The following ARHGAP20 variants were observed in gnomAD, a reference collection of about 807,000 sequenced individuals.
ARHGAP20 encodes Rho GTPase activating protein 20.
A neutral mutation model predicts 73.7 loss-of-function variants in ARHGAP20; 34 were observed. The observed-to-expected ratio is 0.46, with a 90% CI of 0.35 to 0.61. The LOEUF (loss-of-function observed/expected upper bound fraction) is 0.61. Ranked by LOEUF, ARHGAP20 falls within the 20% of genes least tolerant of loss-of-function variation. The probability of loss-of-function intolerance (pLI) is 0.00; values close to 1 mark genes in which losing one functional copy is unlikely to be tolerated. For missense variants in ARHGAP20, 1,314 were observed against 1,420.9 expected (o/e 0.92, Z 1.21); for synonymous variants, 523 against 518.2 (o/e 1.01, Z -0.13).
At position 110,580,260 on chromosome 11, in the gene ARHGAP20, G is replaced by GC; in HGVS notation, c.2685dup (p.Gln896AlafsTer5). 1 of 1,614,176 alleles carries GC rather than the reference G, an allele frequency of 6.2e-7. No individual in the cohort carries two copies. Among genetic ancestry groups the GC allele is most frequent in the Non-Finnish European group, 8.5e-7 (1 of 1,180,026 alleles). The stretch of plus-strand genomic sequence containing the variant: ...ACTAAACTCTGATTAATGAGCTTCT[G>GC]CCCCTCCATTTGCAAAGACTTATGC... On this transcript the variant is annotated frameshift_variant, in exon 15 of 15. Transcript: ENST00000683387. LOFTEE classifies it low-confidence loss of function (END_TRUNC).
intron 12 of ARHGAP20, among the ~76,000 whole-genome samples, chr11:110,584,418 GTTTT>G (rs765253941): frequency 2.8e-5 from 4 of 141,150 alleles, no homozygotes; most frequent in Non-Finnish European, 4.6e-5. Flanking sequence ...ATTCATGACT[GTTTT>G]TTTTTTTTTC....
At chr11:110,687,472 G>A (rs35054415) in intron 2 of ARHGAP20, among the ~76,000 whole-genome samples, 26,512 of 152,054 alleles carry the variant, frequency 0.17, 2,332 homozygotes, top group South Asian at 0.31. Flanking sequence ...GGGAGGCAGT[G>A]TGGGGAAGGG....
intron 9 of ARHGAP20, among the ~76,000 whole-genome samples, chr11:110,603,181 T>G (rs1255947427): frequency 6.6e-6 from 1 of 152,210 alleles, no homozygotes; most frequent in Non-Finnish European, 1.5e-5. Context: ...TGTGAATTTT[T>G]GTTAAAAATA....
intron 1 of ARHGAP20, chr11:110,711,844 C>A (rs1950666258): frequency 7.6e-7 from 1 of 1,313,164 alleles, no homozygotes; most frequent in East Asian, 3.1e-5. Context: ...AGCCGGGCTG[C>A]AGAACCGGCG....
chr11:110,654,757 G>A lies in ARHGAP20; in HGVS notation c.189-23965C>T, dbSNP rs550243156. On this transcript the variant is annotated intron_variant, in intron 2 of 14. Coordinates refer to ENST00000683387, the MANE Select transcript of ARHGAP20 (RefSeq NM_001384657.1). Reference sequence around the variant, plus strand: ...AAGGTCCTTCCTCTGAACATTCAGCGTAAGTGCTAAAGCAAAATTCTCCAG... The same window carrying A: ...AAGGTCCTTCCTCTGAACATTCAGCATAAGTGCTAAAGCAAAATTCTCCAG... Among the ~76,000 whole-genome samples the A allele has an allele frequency of 5.3e-5, 8 of 152,294 alleles. No homozygotes were observed. In the South Asian group the frequency reaches 1.0e-3, roughly 20 times the overall value.
At chr11:110,583,394 C>T (rs1947527069) in intron 13 of ARHGAP20, among the ~76,000 whole-genome samples, 154 bp downstream of exon 13, 1 of 152,194 alleles carries the variant, frequency 6.6e-6, no homozygotes, top group Admixed American at 6.5e-5. Flanking sequence ...TTCTACTTAA[C>T]AATTCACTTT....
In ARHGAP20 at chr11:110,580,794, G is replaced by A. The variant is rs1389772873; in HGVS notation, c.2152C>T (p.Leu718Phe). The change falls in exon 15 of 15, where the codon CTC (leucine) becomes TTC (phenylalanine). Residue 718 changes from leucine to phenylalanine, a missense_variant. Leu to Phe is a conservative substitution (Grantham distance 22). This residue lies in a region of ARHGAP20 where 641 missense variants were observed against 636.9 expected (regional missense o/e 1.01). Transcript: ENST00000683387. The part of the protein sequence containing the change: ...IDYLDSKLSY[L>F]REFYQKKLRK... ...AGCTTTTTCTGATAAAACTCCCTGA[G>A]GTAGGAAAGCTTTGAATCCAGATAG... 1.2e-6 allele frequency: 2 copies of A among 1,614,096 alleles called. No homozygotes were observed. The highest frequency in any genetic ancestry group is 1.7e-5 in the Admixed American group (1 of 60,008).
Position 110,611,379 on chromosome 11 carries a change from G to A in ARHGAP20, c.638C>T (p.Thr213Ile). Reference sequence around the variant, plus strand: ...TGTATCTGAATTCATTACTGTTATAGTTTTAGACTGTAGAAAAAAAATAAG... The same window carrying A: ...TGTATCTGAATTCATTACTGTTATAATTTTAGACTGTAGAAAAAAAATAAG... ...KDIGNCAYSK[T>I]ITVMNSDTAN... Residue 213 changes from threonine to isoleucine, a missense_variant, in exon 7 of 15, where the codon ACT (threonine) becomes ATT (isoleucine). Physicochemically the swap from Thr to Ile is moderately conservative, Grantham distance 89. This residue lies in a region of ARHGAP20 where 443 missense variants were observed against 466.4 expected (regional missense o/e 0.95). Coordinates refer to ENST00000683387, the MANE Select transcript of ARHGAP20 (RefSeq NM_001384657.1). The A allele has an allele frequency of 2.0e-6, 3 of 1,484,330 alleles. No individual in the cohort carries two copies. In the South Asian group the frequency reaches 4.0e-5, roughly 20 times the overall value. The allele number at this position is 1,484,330 out of a possible 1,614,324, so 91.9% of individuals were successfully genotyped here.
intron 4 of ARHGAP20, 22 bp downstream of exon 4, chr11:110,624,140 G>C (rs750484314): frequency 4.4e-6 from 7 of 1,602,150 alleles, no homozygotes; most frequent in Non-Finnish European, 5.9e-6. Context: ...CAGGTAAATA[G>C]AGGACAAGCT....
At chr11:110,624,384 G>A (rs1948692273) in intron 3 of ARHGAP20, 73 bp from the exon 4 acceptor site, 1 of 1,275,420 alleles carries the variant, frequency 7.8e-7, no homozygotes, top group Non-Finnish European at 1.0e-6. Flanking sequence ...TCTCTGGAAG[G>A]CATCATCCTC....
At chr11:110,640,915 T>C (rs1949064828) in intron 2 of ARHGAP20, among the ~76,000 whole-genome samples, 1 of 151,948 alleles carries the variant, frequency 6.6e-6, no homozygotes, top group African/African-American at 2.4e-5. Context: ...AAAAAATAAA[T>C]AATAAATCAT....
intron 1 of ARHGAP20, among the ~76,000 whole-genome samples, chr11:110,708,256 T>C (rs1047726154): frequency 2.0e-5 from 3 of 152,142 alleles, no homozygotes; most frequent in Non-Finnish European, 2.9e-5. Flanking sequence ...TAATAATAAG[T>C]ACTGGTGAAA....
chr11:110,711,737 G>C, intron 1 of ARHGAP20: 2 of 1,379,964 alleles, frequency 1.4e-6, no homozygotes, highest in Non-Finnish European at 1.9e-6. Flanking sequence ...AGGGCAGTCA[G>C]TGCTCGCCCA....
At chr11:110,617,149 C>T (rs1163653705) in intron 4 of ARHGAP20, among the ~76,000 whole-genome samples, 1 of 152,038 alleles carries the variant, frequency 6.6e-6, no homozygotes, top group Non-Finnish European at 1.5e-5. Context: ...ATAAATGTAA[C>T]CATAAAGTAT....
chr11:110,657,220 A>C (rs775043352), intron 2 of ARHGAP20, among the ~76,000 whole-genome samples: 3 of 152,168 alleles, frequency 2.0e-5, no homozygotes, highest in Non-Finnish European at 2.9e-5. Context: ...AATATGAGTT[A>C]AGTTTTTGTT....
At chr11:110,606,970 A>T (rs1442293092) in intron 8 of ARHGAP20, among the ~76,000 whole-genome samples, 1 of 152,108 alleles carries the variant, frequency 6.6e-6, no homozygotes, top group Non-Finnish European at 1.5e-5. Flanking sequence ...AGAAGAAAAA[A>T]ATCTTTAAAG....
chr11:110,615,209 A>C (rs1468152467), intron 5 of ARHGAP20, among the ~76,000 whole-genome samples: 1 of 152,178 alleles, frequency 6.6e-6, no homozygotes, highest in African/African-American at 2.4e-5. Context: ...AAAACCCTGC[A>C]TTTATGGAAA....
intron 9 of ARHGAP20, among the ~76,000 whole-genome samples, chr11:110,594,912 G>A (rs1259161356): frequency 2.6e-5 from 4 of 151,588 alleles, no homozygotes; most frequent in South Asian, 4.2e-4. Context: ...CTGGCAAACC[G>A]AATCCAGCAG....
intron 3 of ARHGAP20, among the ~76,000 whole-genome samples, chr11:110,627,001 A>T (rs1948758236): frequency 6.6e-6 from 1 of 152,200 alleles, no homozygotes; most frequent in South Asian, 2.1e-4. Flanking sequence ...CGGCTCCAAT[A>T]GCATGACGAC....
Sources: gnomAD v4.1 joint callset for allele counts (sites outside exome capture counted in the v4.1 genomes callset) on GRCh38, gnomAD v4.1.1 for gene constraint, gnomAD v4.1.1 regional missense constraint, MANE v1.5 for transcripts, NCBI Gene and HGNC (gene_info 2026-07-23, HGNC 2026-07-21) for gene names.